Variants in LYAR observed in about 807,000 individuals in gnomAD.
LYAR encodes Ly1 antibody reactive, also known as cell growth-regulating nucleolar protein.
In LYAR, 37 loss-of-function variants were observed where a neutral mutation model predicts 45.2. The observed-to-expected ratio is 0.82, with a 90% CI of 0.63 to 1.08. The LOEUF is 1.08. Ranked by LOEUF, LYAR falls within the 50% of genes least tolerant of loss-of-function variation. LYAR has a pLI of 0.00. For synonymous variants in LYAR, 176 were observed against 155.1 expected (o/e 1.14, Z -1.00); for missense variants, 493 against 451.0 (o/e 1.09, Z -0.84).
At chr4:4,284,773 A>C (rs1043909954) in intron 2 of LYAR, among the ~76,000 whole-genome samples, 2 of 152,228 alleles carry the variant, frequency 1.3e-5, no homozygotes, top group East Asian at 1.9e-4. Flanking sequence ...TTTACATTAT[A>C]AGTTTTACAG....
At chr4:4,283,149 G>C (rs1464005138) in intron 3 of LYAR, among the ~76,000 whole-genome samples, 1 of 152,116 alleles carries the variant, frequency 6.6e-6, no homozygotes, top group Non-Finnish European at 1.5e-5. Context: ...GTTTCGTAAA[G>C]CACATTTCTC....
chr4:4,289,321 C>G (rs919469930), intron 1 of LYAR, among the ~76,000 whole-genome samples: 2 of 152,172 alleles, frequency 1.3e-5, no homozygotes, highest in Non-Finnish European at 2.9e-5. Context: ...GTGTCAGGCA[C>G]TATGCTAGAC....
intron 8 of LYAR, among the ~76,000 whole-genome samples, chr4:4,270,538 A>T (rs1006035920): frequency 2.7e-5 from 4 of 150,692 alleles, no homozygotes; most frequent in African/African-American, 9.7e-5. Flanking sequence ...AACAGTTAAA[A>T]AAAAAAAAAA....
Position 4,281,764 on chromosome 4 carries a change from T to C in LYAR, c.237+19A>G. The C allele has an allele frequency of 6.4e-7, 1 of 1,567,900 alleles. No individual in the cohort carries two copies. Among genetic ancestry groups the C allele is most frequent in the Non-Finnish European group, 8.8e-7 (1 of 1,138,034 alleles). ...GAAGCTGTCAGAGGAAGCTACTCAA[T>C]GAGTTAGAGAGACGTTACCTGAATC... On this transcript the variant is annotated intron_variant, in intron 4 of 9. Coordinates refer to ENST00000343470, the MANE Select transcript of LYAR (RefSeq NM_017816.3).
intron 8 of LYAR, among the ~76,000 whole-genome samples, chr4:4,270,198 C>G (rs1007249753): frequency 2.0e-5 from 3 of 147,988 alleles, no homozygotes; most frequent in Non-Finnish European, 3.0e-5. Flanking sequence ...GAGACCCTGT[C>G]TCGAAAAATA....
chr4:4,275,992 G>A (rs967360967), intron 6 of LYAR, among the ~76,000 whole-genome samples: 1 of 152,182 alleles, frequency 6.6e-6, no homozygotes, highest in Non-Finnish European at 1.5e-5. Flanking sequence ...CACAGCGCCA[G>A]GCCTTGCATT....
At chr4:4,285,042 A>T (rs1376087820) in intron 2 of LYAR, among the ~76,000 whole-genome samples, 1 of 152,174 alleles carries the variant, frequency 6.6e-6, no homozygotes, top group Admixed American at 6.5e-5. Flanking sequence ...TTCAGCCTTG[A>T]ATGGAAATGT....
In LYAR at chr4:4,268,040, A is replaced by G. The variant is rs372912454; in HGVS notation, c.1006-17T>C. On this transcript the variant is annotated splice_polypyrimidine_tract_variant and intron_variant, in intron 9 of 9. Coordinates refer to ENST00000343470, the MANE Select transcript of LYAR (RefSeq NM_017816.3). Reference sequence around the variant, plus strand: ...AGCTAAAACCTTCACAAAGAAAAACATCAAATGAGTGTATTTGACCTGGAA... The same window carrying G: ...AGCTAAAACCTTCACAAAGAAAAACGTCAAATGAGTGTATTTGACCTGGAA... 3 of 1,556,844 alleles carry G rather than the reference A, an allele frequency of 1.9e-6. No homozygotes were observed. Among genetic ancestry groups the G allele is most frequent in the Non-Finnish European group, 2.6e-6 (3 of 1,155,752 alleles).
chr4:4,278,208 G>C (rs1393545498), intron 6 of LYAR, among the ~76,000 whole-genome samples: 1 of 152,132 alleles, frequency 6.6e-6, no homozygotes, highest in Admixed American at 6.5e-5. Flanking sequence ...ACAAACGCTA[G>C]GTGTACTACC....
chr4:4,278,180 T>G (rs770050251), intron 6 of LYAR, among the ~76,000 whole-genome samples: 42 of 152,172 alleles, frequency 2.8e-4, no homozygotes, highest in Non-Finnish European at 5.3e-4. Flanking sequence ...AAGGGCCAAT[T>G]TGTACCTTCT....
chr4:4,285,401 T>A (rs1719565897), intron 2 of LYAR, among the ~76,000 whole-genome samples: 1 of 151,964 alleles, frequency 6.6e-6, no homozygotes, highest in South Asian at 2.1e-4. Context: ...CCCAGCTCCC[T>A]CAAAGCTTAC....
intron 8 of LYAR, among the ~76,000 whole-genome samples, chr4:4,269,390 G>C (rs1214412528): frequency 6.6e-6 from 1 of 152,082 alleles, no homozygotes; most frequent in Non-Finnish European, 1.5e-5. Context: ...ACCCCCACCC[G>C]CACCAGCAAA....
At chr4:4,270,168 AC>A (rs1718876425) in intron 8 of LYAR, among the ~76,000 whole-genome samples, 1 of 151,636 alleles carries the variant, frequency 6.6e-6, no homozygotes, top group Non-Finnish European at 1.5e-5. Context: ...ACACCAATGC[AC>A]TCCACCCTGG....
At chr4:4,284,092 A>G (rs1307767668) in intron 2 of LYAR, among the ~76,000 whole-genome samples, 2 of 152,252 alleles carry the variant, frequency 1.3e-5, no homozygotes, top group African/African-American at 4.8e-5. Flanking sequence ...TTCAAAATTT[A>G]TATGAGGTAA....
chr4:4,270,878 C>A (rs1443237012), intron 8 of LYAR, among the ~76,000 whole-genome samples: 1 of 152,058 alleles, frequency 6.6e-6, no homozygotes, highest in Non-Finnish European at 1.5e-5. Context: ...CAGTTTTTTC[C>A]TTTTTAAATT....
rs202090239 is a variant in LYAR, at chr4:4,268,003, T to C, written c.1026A>G (p.Thr342=). 1.8e-4 allele frequency: 295 copies of C among 1,604,190 alleles called. 1 individual carries two copies. The highest frequency in any genetic ancestry group is 3.3e-4 in the Middle Eastern group (2 of 6,064). ...CGGATCTGTGATGCTCATCTGTCAC[T>C]GTGTAGTACTGAGCTAAAACCTTCA... The part of the protein sequence containing the change: ...LRKKVLAQYY[T]VTDEHHRSEE... The change falls in exon 10 of 10, where the codon ACA becomes ACG. Residue 342 remains threonine, a synonymous_variant. Coordinates refer to ENST00000343470, the MANE Select transcript of LYAR (RefSeq NM_017816.3).
chr4:4,286,004 G>A (rs1719596311), intron 2 of LYAR, among the ~76,000 whole-genome samples: 1 of 152,200 alleles, frequency 6.6e-6, no homozygotes, highest in East Asian at 1.9e-4. Flanking sequence ...TTAGAATCTG[G>A]TTACATGTCC....
chr4:4,280,545 G>C (rs918828868), intron 4 of LYAR, among the ~76,000 whole-genome samples: 7 of 152,178 alleles, frequency 4.6e-5, no homozygotes, highest in African/African-American at 1.7e-4. Flanking sequence ...GCTGTAATAA[G>C]TTTCTGTAGT....
In LYAR at chr4:4,267,809, A is replaced by G. The variant is rs1364278724; in HGVS notation, c.*80T>C. On this transcript the variant is annotated 3_prime_UTR_variant, in exon 10 of 10. Transcript: ENST00000343470. ...TTCAAAAAGCAAAATTTGAGTTGTT[A>G]GAATTCATTACACATTTTATAAACA... 38 of 1,201,226 alleles carry G rather than the reference A, an allele frequency of 3.2e-5. No homozygotes were observed. Among genetic ancestry groups the G allele is most frequent in the Non-Finnish European group, 4.1e-5 (37 of 907,168 alleles). The allele number at this position is 1,201,226 out of a possible 1,614,324, so 74.4% of individuals were successfully genotyped here.
Sources: allele counts gnomAD v4.1 joint callset (sites outside exome capture counted in the v4.1 genomes callset), GRCh38; gene constraint gnomAD v4.1.1; transcripts MANE v1.5; gene names NCBI Gene and HGNC (gene_info 2026-07-23, HGNC 2026-07-21).